Variants in SLC35F4 observed in about 807,000 individuals in gnomAD.
SLC35F4 encodes the protein solute carrier family 35 member F4.
Under a neutral mutation model 44.2 loss-of-function variants are expected in SLC35F4, and 24 were observed. That is an observed-to-expected ratio of 0.54 (90% CI 0.39 to 0.76). The LOEUF is 0.76. Among genes scored for constraint, SLC35F4 ranks in the 30% least tolerant of loss-of-function variants. The pLI, the probability that SLC35F4 is intolerant of heterozygous loss-of-function variation, is 0.00. For synonymous variants in SLC35F4, 238 were observed against 223.6 expected (o/e 1.06, Z -0.57); for missense variants, 562 against 586.1 (o/e 0.96, Z 0.42).
At chr14:57,947,255 T>C (rs929101773) in intron 1 of SLC35F4, among the ~76,000 whole-genome samples, 27 of 151,578 alleles carry the variant, frequency 1.8e-4, no homozygotes, top group Admixed American at 1.3e-3. Flanking sequence ...TTTTTTGTTT[T>C]TTTTTTTTTG....
intron 1 of SLC35F4, among the ~76,000 whole-genome samples, chr14:57,704,709 A>C (rs1204331455): frequency 6.6e-6 from 1 of 152,136 alleles, no homozygotes; most frequent in African/African-American, 2.4e-5. Context: ...CCTACACATA[A>C]ATTTAGGCCT....
intron 1 of SLC35F4, among the ~76,000 whole-genome samples, chr14:57,906,123 G>A (rs1169198335): frequency 1.3e-5 from 2 of 151,988 alleles, no homozygotes; most frequent in African/African-American, 4.8e-5. Flanking sequence ...ACCTTGACAG[G>A]GTATACTTTC....
intron 1 of SLC35F4, among the ~76,000 whole-genome samples, chr14:57,633,773 A>G (rs942849499): frequency 1.3e-5 from 2 of 152,104 alleles, no homozygotes; most frequent in Non-Finnish European, 2.9e-5. Flanking sequence ...AAATTAAACC[A>G]TGTAGTATAT....
intron 1 of SLC35F4, among the ~76,000 whole-genome samples, chr14:57,874,486 T>C (rs993960031): frequency 2.6e-5 from 4 of 152,184 alleles, no homozygotes; most frequent in Non-Finnish European, 5.9e-5. Context: ...ACACTCAAGA[T>C]AGGTTGACTT....
At chr14:57,950,901 A>G (rs1215849008) in intron 1 of SLC35F4, among the ~76,000 whole-genome samples, 1 of 152,054 alleles carries the variant, frequency 6.6e-6, no homozygotes, top group African/African-American at 2.4e-5. Context: ...TCCTGACCTC[A>G]TGATCCACCC....
intron 5 of SLC35F4, 123 bp downstream of exon 5, chr14:57,571,771 C>G: frequency 7.5e-7 from 1 of 1,333,334 alleles, no homozygotes; most frequent in Non-Finnish European, 9.9e-7. Flanking sequence ...AGTTAATTTA[C>G]TTACTATTAT....
At chr14:57,875,019 A>C (rs1431576695) in intron 1 of SLC35F4, among the ~76,000 whole-genome samples, 1 of 149,600 alleles carries the variant, frequency 6.7e-6, no homozygotes, top group Non-Finnish European at 1.5e-5. Flanking sequence ...TGGTGTCTTT[A>C]GATAAGAGTA....
chr14:57,718,664 TC>T (rs1348174507), intron 1 of SLC35F4, among the ~76,000 whole-genome samples: 3 of 152,234 alleles, frequency 2.0e-5, no homozygotes, highest in African/African-American at 7.2e-5. Flanking sequence ...TCTATTCAAA[TC>T]TTTTGCCCAT....
At chr14:57,630,765 TAC>T in intron 1 of SLC35F4, 1 of 519,446 alleles carries the variant, frequency 1.9e-6, no homozygotes, top group Non-Finnish European at 3.3e-6. Flanking sequence ...TTATCAGGAA[TAC>T]AGTGTTGCAA....
At chr14:57,607,138 C>T (rs968020404) in intron 1 of SLC35F4, among the ~76,000 whole-genome samples, 1 of 152,190 alleles carries the variant, frequency 6.6e-6, no homozygotes, top group African/African-American at 2.4e-5. Context: ...CTTGCCAGTA[C>T]TAATGGTCCA....
chr14:57,727,651 C>T (rs1238805899), intron 1 of SLC35F4, among the ~76,000 whole-genome samples: 3 of 152,196 alleles, frequency 2.0e-5, no homozygotes, highest in Non-Finnish European at 4.4e-5. Flanking sequence ...CATTTACCCA[C>T]TGGTCATTCA....
intron 1 of SLC35F4, among the ~76,000 whole-genome samples, chr14:57,628,501 T>C (rs1012285646): frequency 1.1e-4 from 16 of 142,100 alleles, no homozygotes; most frequent in Non-Finnish European, 2.4e-4. Flanking sequence ...CCTGTGTCCA[T>C]GTGTTCTCAT....
rs552261945 is a variant in SLC35F4, at chr14:57,743,913, C to T, written c.103+121810G>A. Among the ~76,000 whole-genome samples the T allele has an allele frequency of 7.2e-5, 11 of 152,138 alleles. No individual in the cohort carries two copies. The East Asian group carries it at 1.4e-3, about 19-fold the overall frequency. On this transcript the variant is annotated intron_variant, in intron 1 of 7. Coordinates refer to ENST00000556826, the MANE Select transcript of SLC35F4 (RefSeq NM_001306087.2). ...GGCTTCATCCCTGGGATGCAAGCCT[C>T]GTTCAACAGATGCAAATCAATAAAC...
chr14:57,854,798 G>T (rs1038098532), intron 1 of SLC35F4, among the ~76,000 whole-genome samples: 1 of 152,328 alleles, frequency 6.6e-6, no homozygotes, highest in South Asian at 2.1e-4. Flanking sequence ...AATAAGCTAT[G>T]CCAAGAGGCA....
intron 1 of SLC35F4, among the ~76,000 whole-genome samples, chr14:57,740,831 A>C (rs1321339944): frequency 6.6e-6 from 1 of 152,212 alleles, no homozygotes; most frequent in African/African-American, 2.4e-5. Flanking sequence ...CTGCCTCCTC[A>C]AGTGGGTTCC....
intron 1 of SLC35F4, among the ~76,000 whole-genome samples, chr14:57,705,178 A>G (rs1176066901): frequency 6.6e-6 from 1 of 152,194 alleles, no homozygotes; most frequent in Non-Finnish European, 1.5e-5. Flanking sequence ...AATGCTAGCT[A>G]GTAAAATTAC....
chr14:57,665,723 C>A (rs73305933), intron 1 of SLC35F4, among the ~76,000 whole-genome samples: 3,956 of 152,232 alleles, frequency 0.026, 162 homozygotes, highest in African/African-American at 0.089. Flanking sequence ...GACCTGGAAT[C>A]GATCTAAATG....
At chr14:57,914,066 T>C (rs752915796) in intron 1 of SLC35F4, among the ~76,000 whole-genome samples, 11 of 152,190 alleles carry the variant, frequency 7.2e-5, no homozygotes, top group Non-Finnish European at 8.8e-5. Flanking sequence ...CCTATATAGA[T>C]CAGATATTGT....
At chr14:57,931,943 T>C (rs1210025293) in intron 1 of SLC35F4, among the ~76,000 whole-genome samples, 2 of 152,248 alleles carry the variant, frequency 1.3e-5, no homozygotes, top group African/African-American at 4.8e-5. Context: ...GTCTGCAGTG[T>C]AGACTTAAAG....
Sources: gnomAD v4.1 joint callset for allele counts (sites outside exome capture counted in the v4.1 genomes callset) on GRCh38, gnomAD v4.1.1 for gene constraint, MANE v1.5 for transcripts, NCBI Gene and HGNC (gene_info 2026-07-23, HGNC 2026-07-21) for gene names.